ZFPM2: variants seen among roughly 807,000 people sequenced by gnomAD.
ZFPM2 encodes the protein zinc finger protein ZFPM2.
Under a neutral mutation model 98.6 loss-of-function variants are expected in ZFPM2, and 20 were observed. That is an observed-to-expected ratio of 0.20 (90% confidence interval 0.14 to 0.29). The LOEUF is 0.29. Ranked by LOEUF, ZFPM2 falls within the 10% of genes least tolerant of loss-of-function variation. The pLI is 1.00. For synonymous variants in ZFPM2, 518 were observed against 502.7 expected, an observed-to-expected ratio of 1.03 and a Z score of -0.41; for missense variants, 1,310 against 1,388.6, an observed-to-expected ratio of 0.94 and a Z score of 0.90.
chr8:105,467,638 A>C (rs1479980674), intron 3 of ZFPM2, among the ~76,000 whole-genome samples: 4 of 152,118 alleles, frequency 2.6e-5, no homozygotes, highest in Non-Finnish European at 4.4e-5. Flanking sequence ...TGTCACCATT[A>C]AATATATTAA....
intron 3 of ZFPM2, among the ~76,000 whole-genome samples, chr8:105,467,120 G>A (rs2130329255): frequency 6.6e-6 from 1 of 152,158 alleles, no homozygotes; most frequent in South Asian, 2.1e-4. Flanking sequence ...ATTCTTGTGA[G>A]AACTGCCCCT....
intron 4 of ZFPM2, among the ~76,000 whole-genome samples, chr8:105,598,947 A>G (rs1816032142): frequency 1.3e-5 from 2 of 152,190 alleles, no homozygotes; most frequent in South Asian, 2.1e-4. Context: ...AAGACACTGC[A>G]TGTGGTCAGA....
intron 5 of ZFPM2, among the ~76,000 whole-genome samples, chr8:105,762,758 C>T (rs1196258102): frequency 6.6e-6 from 1 of 151,798 alleles, no homozygotes; most frequent in Non-Finnish European, 1.5e-5. Flanking sequence ...TATAATTAAC[C>T]ACTTAGCCAG....
At chr8:105,769,538 G>A (rs1454784338) in intron 5 of ZFPM2, among the ~76,000 whole-genome samples, 2 of 151,888 alleles carry the variant, frequency 1.3e-5, no homozygotes, top group African/African-American at 4.8e-5. Flanking sequence ...GATGGGAGAG[G>A]GCTTGGGAGG....
chr8:105,382,275 CT>C (rs199599651), intron 1 of ZFPM2, among the ~76,000 whole-genome samples: 4 of 150,788 alleles, frequency 2.7e-5, no homozygotes, highest in East Asian at 1.9e-4. Flanking sequence ...AGTACTTAAG[CT>C]TTTTTTTTAA....
intron 4 of ZFPM2, among the ~76,000 whole-genome samples, chr8:105,630,736 G>T (rs1816741097): frequency 6.6e-6 from 1 of 152,044 alleles, no homozygotes; most frequent in Non-Finnish European, 1.5e-5. Context: ...AGAAAATGGA[G>T]AAAATGTTAG....
chr8:105,659,193 T>A (rs1387398138), intron 5 of ZFPM2, among the ~76,000 whole-genome samples: 11 of 152,138 alleles, frequency 7.2e-5, no homozygotes, highest in Non-Finnish European at 1.6e-4. Context: ...TATAGAAGCA[T>A]TGCCAGAGAA....
chr8:105,560,767 C>A (rs1243482810), intron 3 of ZFPM2, among the ~76,000 whole-genome samples: 3 of 152,178 alleles, frequency 2.0e-5, no homozygotes, highest in South Asian at 4.2e-4. Context: ...CCTTCCAAAG[C>A]TGGTTATTTC....
chr8:105,509,901 G>T (rs1813780715), intron 3 of ZFPM2, among the ~76,000 whole-genome samples: 1 of 152,098 alleles, frequency 6.6e-6, no homozygotes, highest in Non-Finnish European at 1.5e-5. Context: ...TTTCAGATAG[G>T]ACATATTTAA....
At chr8:105,395,401 C>A (rs1199427569) in intron 1 of ZFPM2, among the ~76,000 whole-genome samples, 1 of 152,104 alleles carries the variant, frequency 6.6e-6, no homozygotes, top group Non-Finnish European at 1.5e-5. Context: ...ATTCTTAGTG[C>A]ATTAGAACAC....
At chr8:105,426,774 C>T (rs993028775) in intron 2 of ZFPM2, among the ~76,000 whole-genome samples, 2 of 143,632 alleles carry the variant, frequency 1.4e-5, no homozygotes, top group African/African-American at 5.6e-5. Flanking sequence ...GGTGAAATCC[C>T]ATCTCTAAAA....
intron 5 of ZFPM2, among the ~76,000 whole-genome samples, chr8:105,725,558 T>A (rs1563538183): frequency 6.6e-6 from 1 of 151,782 alleles, no homozygotes; most frequent in Non-Finnish European, 1.5e-5. Context: ...CTCATAATTA[T>A]ACCAGTACTT....
At chr8:105,707,588 T>C (rs1296090448) in intron 5 of ZFPM2, among the ~76,000 whole-genome samples, 1 of 152,206 alleles carries the variant, frequency 6.6e-6, no homozygotes, top group Admixed American at 6.5e-5. Flanking sequence ...GTGTATGGCC[T>C]TGTACTGTTG....
At chr8:105,393,811 G>A (rs1286026892) in intron 1 of ZFPM2, among the ~76,000 whole-genome samples, 3 of 151,788 alleles carry the variant, frequency 2.0e-5, no homozygotes, top group Non-Finnish European at 4.4e-5. Flanking sequence ...TTGGATTTAG[G>A]TCAGAATTAT....
At chr8:105,337,096 C>G (rs1812340805) in intron 1 of ZFPM2, among the ~76,000 whole-genome samples, 1 of 151,732 alleles carries the variant, frequency 6.6e-6, no homozygotes, top group Admixed American at 6.6e-5. Context: ...TGTTGTGTCT[C>G]TAAATCCCAG....
At chr8:105,589,341 G>A (rs1374341436) in intron 4 of ZFPM2, among the ~76,000 whole-genome samples, 2 of 152,114 alleles carry the variant, frequency 1.3e-5, no homozygotes, top group East Asian at 3.9e-4. Context: ...CATTTCTCAA[G>A]CGTCAACAAG....
At chr8:105,596,615 G>A (rs187412348) in intron 4 of ZFPM2, among the ~76,000 whole-genome samples, 64 of 151,920 alleles carry the variant, frequency 4.2e-4, no homozygotes, top group Admixed American at 8.5e-4. Context: ...GTGTATCAGT[G>A]GTGAGAACAG....
intron 5 of ZFPM2, among the ~76,000 whole-genome samples, chr8:105,757,610 A>T (rs1167447668): frequency 1.3e-5 from 2 of 152,164 alleles, no homozygotes; most frequent in Non-Finnish European, 2.9e-5. Context: ...ATGGATAATG[A>T]ATCTATTGAT....
At chr8:105,417,092 C>G (rs2130068727) in intron 1 of ZFPM2, among the ~76,000 whole-genome samples, 1 of 151,228 alleles carries the variant, frequency 6.6e-6, no homozygotes, top group East Asian at 1.9e-4. Flanking sequence ...GAAACTGCAG[C>G]AAGCTGTGAT....
Sources: allele counts gnomAD v4.1 joint callset (sites outside exome capture counted in the v4.1 genomes callset), GRCh38; gene constraint gnomAD v4.1.1; transcripts MANE v1.5; gene names NCBI Gene and HGNC (gene_info 2026-07-23, HGNC 2026-07-21).